Variants in CLDN10 observed in about 807,000 individuals in gnomAD.
CLDN10 encodes the protein claudin 10, also known as claudin-10.
A neutral mutation model predicts 22.9 loss-of-function variants in CLDN10; 15 were observed. The observed-to-expected ratio is 0.65, with a 90% CI of 0.44 to 1.01. The LOEUF is 1.01. Ranked by LOEUF, CLDN10 falls within the 50% of genes least tolerant of loss-of-function variation. The pLI is 0.00. For synonymous variants in CLDN10, 114 were observed against 111.4 expected, an observed-to-expected ratio of 1.02 and a Z score of -0.15; for missense variants, 247 against 287.8, an observed-to-expected ratio of 0.86 and a Z score of 1.03.
Position 95,536,689 on chromosome 13 carries a change from C to A in CLDN10, c.215-23443C>A, listed in dbSNP as rs1341891845. ...TGCGTTGCAGTTACAAAATCTTCACCTTCTAGTTCTGTTAATACTGGCTTT... is the reference window on the plus strand; with the variant it reads ...TGCGTTGCAGTTACAAAATCTTCACATTCTAGTTCTGTTAATACTGGCTTT... On this transcript the variant is annotated intron_variant, in intron 1 of 4. Coordinates refer to the CLDN10 transcript ENST00000376873. 5.3e-5 allele frequency among the ~76,000 whole-genome samples: 8 copies of A among 152,288 alleles called. No homozygotes were observed. The South Asian group carries it at 1.7e-3, about 32-fold the overall frequency.
intron 1 of CLDN10, among the ~76,000 whole-genome samples, chr13:95,517,803 G>A (rs4597179): frequency 0.86 from 130,784 of 151,480 alleles, 56,644 homozygotes; most frequent in East Asian, 0.96. Flanking sequence ...GCGTGGTGGC[G>A]GGTGCCTGTA....
intron 1 of CLDN10, among the ~76,000 whole-genome samples, chr13:95,538,910 C>T (rs1274774909): frequency 6.6e-6 from 1 of 152,030 alleles, no homozygotes; most frequent in Non-Finnish European, 1.5e-5. Context: ...GATGGAGTCT[C>T]GCTCTGTCGC....
chr13:95,441,431 C>T (rs975996977), intron 1 of CLDN10, among the ~76,000 whole-genome samples: 8 of 152,060 alleles, frequency 5.3e-5, no homozygotes, highest in South Asian at 2.1e-4. Flanking sequence ...TTTGTGGAGA[C>T]GGGAATCTCA....
At chr13:95,565,630 T>C (rs547176706) in intron 3 of CLDN10, among the ~76,000 whole-genome samples, 1 of 152,298 alleles carries the variant, frequency 6.6e-6, no homozygotes, top group African/African-American at 2.4e-5. Context: ...CCTACTTTCT[T>C]TTTTTATTAT....
chr13:95,525,636 C>T (rs760156854), intron 1 of CLDN10, among the ~76,000 whole-genome samples: 1 of 152,088 alleles, frequency 6.6e-6, no homozygotes. Flanking sequence ...GGATTACAGG[C>T]GTGCACCACC....
At chr13:95,457,661 T>C (rs1566280282) in intron 1 of CLDN10, among the ~76,000 whole-genome samples, 1 of 152,082 alleles carries the variant, frequency 6.6e-6, no homozygotes, top group African/African-American at 2.4e-5. Flanking sequence ...TCAGTTTCGC[T>C]GGGGATGCCA....
intron 1 of CLDN10, among the ~76,000 whole-genome samples, chr13:95,438,492 T>C (rs1362171642): frequency 6.6e-6 from 1 of 152,196 alleles, no homozygotes; most frequent in Non-Finnish European, 1.5e-5. Flanking sequence ...TGGGTTGAGA[T>C]AGGTTTAAAT....
At chr13:95,538,720 T>C (rs2043427518) in intron 1 of CLDN10, among the ~76,000 whole-genome samples, 1 of 152,180 alleles carries the variant, frequency 6.6e-6, no homozygotes, top group South Asian at 2.1e-4. Flanking sequence ...TCTGAGGCCA[T>C]GACTCCTCCT....
chr13:95,451,756 T>C (rs1300618841), intron 1 of CLDN10, among the ~76,000 whole-genome samples: 1 of 152,200 alleles, frequency 6.6e-6, no homozygotes, highest in Non-Finnish European at 1.5e-5. Context: ...ATCCAGGCTG[T>C]ATTCATGTAT....
At chr13:95,542,611 A>ATTG (rs1183615388) in intron 1 of CLDN10, among the ~76,000 whole-genome samples, 1 of 152,206 alleles carries the variant, frequency 6.6e-6, no homozygotes, top group African/African-American at 2.4e-5. Flanking sequence ...GTTCAAGACC[A>ATTG]GCCTGGCCAA....
intron 1 of CLDN10, among the ~76,000 whole-genome samples, chr13:95,516,978 C>T (rs572804246): frequency 4.1e-4 from 3 of 7,372 alleles, no homozygotes; most frequent in African/African-American, 8.7e-4. Flanking sequence ...CTCCTTCCTT[C>T]CTTCCTTCCT....
At chr13:95,563,134 CTG>C (rs1257225703) in intron 3 of CLDN10, among the ~76,000 whole-genome samples, 14 of 145,840 alleles carry the variant, frequency 9.6e-5, no homozygotes, top group South Asian at 2.2e-4. Flanking sequence ...CTCTCTCTCT[CTG>C]TCTGTATTCT....
At chr13:95,457,844 G>A (rs1429791998) in intron 1 of CLDN10, among the ~76,000 whole-genome samples, 1 of 152,096 alleles carries the variant, frequency 6.6e-6, no homozygotes, top group Non-Finnish European at 1.5e-5. Context: ...ATCTCATTAG[G>A]GTATGTTGAA....
intron 1 of CLDN10, among the ~76,000 whole-genome samples, chr13:95,488,956 T>C (rs1292318552): frequency 6.8e-6 from 1 of 146,698 alleles, no homozygotes; most frequent in African/African-American, 2.5e-5. Flanking sequence ...TGTTCTTTTT[T>C]TTTTTTTTTT....
In CLDN10 at chr13:95,504,800, A is replaced by C. The variant is rs554665058; in HGVS notation, c.215-55332A>C. 1.2e-3 allele frequency among the ~76,000 whole-genome samples: 182 copies of C among 152,286 alleles called. 1 individual carries two copies. Among genetic ancestry groups the C allele is most frequent in the African/African-American group, 4.1e-3 (172 of 41,562 alleles). On this transcript the variant is annotated intron_variant, in intron 1 of 4. Transcript: ENST00000376873. Reference sequence around the variant, plus strand: ...TGATCCCCCCACCTCAGCCTCCCAAAGTGCTGGGATTACAGGCATAAGCCA... The same window carrying C: ...TGATCCCCCCACCTCAGCCTCCCAACGTGCTGGGATTACAGGCATAAGCCA...
intron 1 of CLDN10, among the ~76,000 whole-genome samples, chr13:95,459,579 G>T (rs1180377012): frequency 2.0e-5 from 3 of 152,228 alleles, no homozygotes; most frequent in Non-Finnish European, 4.4e-5. Flanking sequence ...TTTAGCCATG[G>T]CTAGGATGCA....
upstream of CLDN10, among the ~76,000 whole-genome samples, chr13:95,549,682 A>G (rs753575207): frequency 2.0e-5 from 3 of 152,236 alleles, no homozygotes; most frequent in Non-Finnish European, 4.4e-5. Flanking sequence ...TTTCCACAGT[A>G]ACTATGTAGT....
chr13:95,539,972 T>C (rs2043441941), intron 1 of CLDN10, among the ~76,000 whole-genome samples: 1 of 150,582 alleles, frequency 6.6e-6, no homozygotes, highest in South Asian at 2.1e-4. Context: ...CTGGGCAACA[T>C]GGTGAAGCCC....
At chr13:95,561,006 T>A (rs539466402) in intron 3 of CLDN10, 1 of 153,268 alleles carries the variant, frequency 6.5e-6, no homozygotes, top group South Asian at 2.1e-4. Context: ...ATGTGGCTGG[T>A]CAGTCTTGCA....
Sources: allele counts gnomAD v4.1 joint callset (sites outside exome capture counted in the v4.1 genomes callset), GRCh38; gene constraint gnomAD v4.1.1; transcripts MANE v1.5; gene names NCBI Gene and HGNC (gene_info 2026-07-23, HGNC 2026-07-21).